The following ATRNL1 variants were observed in gnomAD, a reference collection of about 807,000 sequenced individuals.
ATRNL1 encodes the protein attractin like 1, also known as attractin-like protein 1.
A neutral mutation model predicts 182.7 loss-of-function variants in ATRNL1; 95 were observed. The ratio of observed to expected loss-of-function variants is 0.52; its 90% CI spans 0.44 to 0.62. The LOEUF is 0.62. Ranked by LOEUF, ATRNL1 falls within the 20% of genes least tolerant of loss-of-function variation. The pLI, the probability that ATRNL1 is intolerant of heterozygous loss-of-function variation, is 0.00. For synonymous variants in ATRNL1, 576 were observed against 568.3 expected, an observed-to-expected ratio of 1.01 and a Z score of -0.19; for missense variants, 1,471 against 1,679.5, an observed-to-expected ratio of 0.88 and a Z score of 2.17.
intron 26 of ATRNL1, among the ~76,000 whole-genome samples, chr10:115,620,556 TA>T (rs1857676978): frequency 6.6e-6 from 1 of 152,202 alleles, no homozygotes; most frequent in African/African-American, 2.4e-5. Context: ...CTAACAATTC[TA>T]AAGATTATTT....
At chr10:115,542,448 G>A (rs529680448) in intron 25 of ATRNL1, among the ~76,000 whole-genome samples, 21 of 152,170 alleles carry the variant, frequency 1.4e-4, no homozygotes, top group Middle Eastern at 6.8e-3. Flanking sequence ...CTTCATGATT[G>A]TGCCAATGCC....
At chr10:115,921,047 A>C (rs2134561375) in intron 28 of ATRNL1, among the ~76,000 whole-genome samples, 1 of 152,336 alleles carries the variant, frequency 6.6e-6, no homozygotes, top group Non-Finnish European at 1.5e-5. Context: ...TGACAGTCTA[A>C]GTTGCTCACA....
intron 24 of ATRNL1, among the ~76,000 whole-genome samples, chr10:115,512,197 T>C (rs1183010185): frequency 6.6e-6 from 1 of 151,966 alleles, no homozygotes; most frequent in African/African-American, 2.4e-5. Flanking sequence ...TAATAGATTT[T>C]ACAGTCATAA....
At chr10:115,555,163 G>A (rs902202486) in intron 26 of ATRNL1, among the ~76,000 whole-genome samples, 3 of 151,674 alleles carry the variant, frequency 2.0e-5, no homozygotes, top group African/African-American at 7.3e-5. Flanking sequence ...TCAGGGGTGG[G>A]TTCAACCTCA....
chr10:115,580,505 G>C (rs868968651), intron 26 of ATRNL1, among the ~76,000 whole-genome samples: 11 of 151,738 alleles, frequency 7.2e-5, no homozygotes, highest in African/African-American at 2.4e-4. Context: ...TTTTCTCACT[G>C]CTTTCAAAAT....
chr10:115,453,775 C>A (rs1201306281), intron 21 of ATRNL1, among the ~76,000 whole-genome samples: 1 of 129,896 alleles, frequency 7.7e-6, no homozygotes. Flanking sequence ...GGAAGGGGAA[C>A]ATCACACTCT....
chr10:115,667,793 A>G (rs1861088399), intron 26 of ATRNL1, among the ~76,000 whole-genome samples: 2 of 151,884 alleles, frequency 1.3e-5, no homozygotes, highest in Non-Finnish European at 2.9e-5. Context: ...AGTAGCTGGG[A>G]CTACAGGTGT....
At chr10:115,595,478 A>T (rs1396267180) in intron 26 of ATRNL1, among the ~76,000 whole-genome samples, 1 of 152,186 alleles carries the variant, frequency 6.6e-6, no homozygotes, top group East Asian at 1.9e-4. Flanking sequence ...TTTATTTTCC[A>T]TTTACATTTT....
At chr10:115,749,196 C>T (rs1737386608) in intron 27 of ATRNL1, among the ~76,000 whole-genome samples, 1 of 151,728 alleles carries the variant, frequency 6.6e-6, no homozygotes, top group African/African-American at 2.4e-5. Flanking sequence ...AATATAAGAA[C>T]ATAGTGTATT....
chr10:115,549,308 T>A, intron 25 of ATRNL1, 150 bp from the exon 26 acceptor site: 1 of 433,024 alleles, frequency 2.3e-6, no homozygotes. Context: ...GAGAACATTT[T>A]AAGCATTGGA....
intron 20 of ATRNL1, among the ~76,000 whole-genome samples, chr10:115,404,216 G>T (rs1482372362): frequency 6.6e-6 from 1 of 152,064 alleles, no homozygotes; most frequent in Admixed American, 6.6e-5. Flanking sequence ...CCAACACCTT[G>T]TCCCTCAAAA....
At chr10:115,549,391 G>A (rs1852839949) in intron 25 of ATRNL1, 67 bp from the exon 26 acceptor site, 2 of 1,137,180 alleles carry the variant, frequency 1.8e-6, no homozygotes, top group African/African-American at 1.6e-5. Context: ...AGTCTTTCAT[G>A]TACTGTTTTT....
chr10:115,534,993 G>A (rs1215798703), intron 25 of ATRNL1, among the ~76,000 whole-genome samples: 8 of 152,148 alleles, frequency 5.3e-5, no homozygotes, highest in African/African-American at 1.9e-4. Flanking sequence ...AGTCTGATGG[G>A]CTTCCCTTTG....
intron 15 of ATRNL1, among the ~76,000 whole-genome samples, chr10:115,288,760 A>G (rs1852752886): frequency 6.6e-6 from 1 of 151,896 alleles, no homozygotes; most frequent in Non-Finnish European, 1.5e-5. Flanking sequence ...GACCTCAGGT[A>G]ATCCGCCCAC....
chr10:115,281,366 C>A lies in ATRNL1; in HGVS notation c.2112C>A (p.Asn704Lys). Residue 704 changes from asparagine (N) to lysine (K), a missense_variant, in exon 14 of 29, where the codon AAC (asparagine) becomes AAA (lysine). Transcript: ENST00000355044. ...TTTTAATTTTGTAGTCTGTCAAGAA[C>A]TACACCAAATGTCATGTGAGAAATG... ...ANSNCSMSVKNYTKCHVRNEQ... is the reference protein window; with the variant it reads ...ANSNCSMSVKKYTKCHVRNEQ... 6.2e-7 allele frequency: 1 copy of A among 1,611,610 alleles called. No homozygotes were observed. The highest frequency in any genetic ancestry group is 8.5e-7 in the Non-Finnish European group (1 of 1,178,774).
chr10:115,396,628 C>T (rs1419363856), intron 20 of ATRNL1, among the ~76,000 whole-genome samples: 5 of 151,882 alleles, frequency 3.3e-5, no homozygotes, highest in Non-Finnish European at 7.4e-5. Flanking sequence ...AAAATATTTT[C>T]TGTAGACCAT....
At chr10:115,612,903 C>A (rs1341227473) in intron 26 of ATRNL1, among the ~76,000 whole-genome samples, 6 of 152,158 alleles carry the variant, frequency 3.9e-5, no homozygotes, top group South Asian at 2.1e-4. Flanking sequence ...CTCATTTGAT[C>A]AAGGTCTTTC....
intron 28 of ATRNL1, among the ~76,000 whole-genome samples, chr10:115,862,623 C>T (rs974183611): frequency 2.0e-5 from 3 of 152,146 alleles, no homozygotes; most frequent in Non-Finnish European, 1.5e-5. Flanking sequence ...GTACAACAAC[C>T]GTGTTGGAGG....
chr10:115,636,933 A>G (rs1592986558), intron 26 of ATRNL1, among the ~76,000 whole-genome samples: 1 of 152,224 alleles, frequency 6.6e-6, no homozygotes, highest in Non-Finnish European at 1.5e-5. Flanking sequence ...CAGACTGCAT[A>G]CACAGCAATG....
Sources: gnomAD v4.1 joint callset for allele counts (sites outside exome capture counted in the v4.1 genomes callset) on GRCh38, gnomAD v4.1.1 for gene constraint, MANE v1.5 for transcripts, NCBI Gene and HGNC (gene_info 2026-07-23, HGNC 2026-07-21) for gene names.